SHCBP1: variants seen among roughly 807,000 people sequenced by gnomAD.
SHCBP1 encodes the protein SHC SH2 domain-binding protein 1.
SHCBP1 carries 60 observed loss-of-function variants against 75.1 expected under a neutral mutation model. The ratio of observed to expected loss-of-function variants is 0.80; its 90% CI spans 0.65 to 0.99. The LOEUF is 0.99. Ranked by LOEUF, SHCBP1 falls within the 50% of genes least tolerant of loss-of-function variation. SHCBP1 has a pLI of 0.00. For missense variants in SHCBP1, 709 were observed against 809.4 expected, an observed-to-expected ratio of 0.88 and a Z score of 1.50; for synonymous variants, 290 against 293.2, an observed-to-expected ratio of 0.99 and a Z score of 0.11.
chr16:46,612,570 G>A (rs1202066355), intron 4 of SHCBP1, among the ~76,000 whole-genome samples: 4 of 152,212 alleles, frequency 2.6e-5, no homozygotes, highest in Non-Finnish European at 4.4e-5. Context: ...AGTCCTGAAC[G>A]TGGTACTATA....
At chr16:46,584,555 CGTGTCA>C (rs1555517970) in intron 10 of SHCBP1, among the ~76,000 whole-genome samples, 3 of 152,070 alleles carry the variant, frequency 2.0e-5, no homozygotes, top group Non-Finnish European at 4.4e-5. Context: ...TTTTCCAAAA[CGTGTCA>C]GTTTTAAAAT....
chr16:46,597,516 A>G (rs1965162516), intron 9 of SHCBP1, among the ~76,000 whole-genome samples: 1 of 152,256 alleles, frequency 6.6e-6, no homozygotes, highest in Non-Finnish European at 1.5e-5. Context: ...ATGTTTTTTA[A>G]CAATATATAC....
At chr16:46,606,047 T>C (rs1965322647) in intron 5 of SHCBP1, among the ~76,000 whole-genome samples, 1 of 152,070 alleles carries the variant, frequency 6.6e-6, no homozygotes, top group African/African-American at 2.4e-5. Flanking sequence ...TTCTACTAAG[T>C]TGTGAAGATT....
In SHCBP1 at chr16:46,616,582, G is replaced by T. The variant is rs1567454981; in HGVS notation, c.388-428C>A. On this transcript the variant is annotated intron_variant, in intron 3 of 12. Transcript: ENST00000303383. This position sits in a 1 kb window ranked among gnomAD's most constrained non-coding sequence, Gnocchi z 4.4. ...CAAAGGGAGGAAATGGAGGAGGGGG[G>T]CGGTGTGCAGTGGAGCAGCAAGATA... 6.6e-6 allele frequency among the ~76,000 whole-genome samples: 1 copy of T among 152,164 alleles called. No homozygotes were observed. Among genetic ancestry groups the T allele is most frequent in the Non-Finnish European group, 1.5e-5 (1 of 68,028 alleles).
intron 8 of SHCBP1, among the ~76,000 whole-genome samples, chr16:46,601,021 G>C (rs1215587779): frequency 6.8e-6 from 1 of 147,882 alleles, no homozygotes; most frequent in Non-Finnish European, 1.5e-5. Flanking sequence ...AAAAGCATCA[G>C]ATCTCAGTGA....
At chr16:46,604,920 G>A (rs117032731) in intron 5 of SHCBP1, among the ~76,000 whole-genome samples, 36 of 152,224 alleles carry the variant, frequency 2.4e-4, no homozygotes, top group East Asian at 7.7e-4. Context: ...ATCTGAATAC[G>A]ACTTTAAAAA....
chr16:46,615,892 A>T, intron 4 of SHCBP1, 54 bp downstream of exon 4: 1 of 1,577,456 alleles, frequency 6.3e-7, no homozygotes, highest in Admixed American at 1.7e-5. Context: ...GAATTACTTC[A>T]TTTCATCCAA....
rs1477196441 is a variant in SHCBP1 at position 46,615,993 on chromosome 16, A to C, written c.549T>G (p.Asp183Glu). 1 of 1,614,156 alleles carries C rather than the reference A, an allele frequency of 6.2e-7. No homozygotes were observed. ...LPLQELWVVF[D>E]DSGVFDQTAL... ...CTGTCTGGTCAAACACTCCTGAATC[A>C]TCAAACACCACCCACAGCTCCTGCA... Residue 183 changes from aspartate to glutamate, a missense_variant, in exon 4 of 13, where the codon GAT becomes GAG. Coordinates refer to ENST00000303383, the MANE Select transcript of SHCBP1 (RefSeq NM_024745.5).
In SHCBP1 at chr16:46,581,648, A is replaced by G. The variant is rs766447578; in HGVS notation, c.*81T>C. ...ATCAAATATAAAATACAGACAATACAGCAAACTACAATGGCAGCAGTGATT... is the reference window on the plus strand; with the variant it reads ...ATCAAATATAAAATACAGACAATACGGCAAACTACAATGGCAGCAGTGATT... On this transcript the variant is annotated 3_prime_UTR_variant, in exon 13 of 13. Transcript: ENST00000303383. 2 of 1,263,026 alleles carry G rather than the reference A, an allele frequency of 1.6e-6. No homozygotes were observed. The highest frequency in any genetic ancestry group is 2.2e-6 in the Non-Finnish European group (2 of 895,310). 78.2% of individuals were successfully genotyped at this position (1,263,026 alleles called of 1,614,324 possible). A position where few individuals can be genotyped will look rare whatever the true frequency, so the allele number is the denominator to read the frequency against.
Position 46,604,530 on chromosome 16 carries a change from A to C in SHCBP1, c.690-69T>G. 3.7e-6 allele frequency: 4 copies of C among 1,086,514 alleles called. No individual in the cohort carries two copies. The Admixed American group carries it at 7.6e-5, about 21-fold the overall frequency. 67.3% of individuals were successfully genotyped at this position (1,086,514 alleles called of 1,614,324 possible). A position where few individuals can be genotyped will look rare whatever the true frequency, so the allele number is the denominator to read the frequency against. Reference sequence around the variant, plus strand: ...CATTTTCCTATCATTAAAACAGCCCACTTAGCCCTCAAAGACCCAGTAAGA... The same window carrying C: ...CATTTTCCTATCATTAAAACAGCCCCCTTAGCCCTCAAAGACCCAGTAAGA... On this transcript the variant is annotated intron_variant, in intron 5 of 12. Coordinates refer to ENST00000303383, the MANE Select transcript of SHCBP1 (RefSeq NM_024745.5).
chr16:46,617,577 T>C, intron 3 of SHCBP1, 57 bp downstream of exon 3: 1 of 1,333,530 alleles, frequency 7.5e-7, no homozygotes, highest in Middle Eastern at 1.9e-4. Flanking sequence ...GATATAACAG[T>C]CTGAAGTAAA....
At position 46,583,513 on chromosome 16, in the gene SHCBP1, T is replaced by C. The variant is rs1964903572; in HGVS notation, c.1693+3A>G. On this transcript the variant is annotated splice_donor_region_variant and intron_variant, in intron 12 of 12. Coordinates refer to ENST00000303383, the MANE Select transcript of SHCBP1 (RefSeq NM_024745.5). ...TTTTTATATTAAAAATTACTAAATATACCTTCAGTTCCATCTTCAGCATTT... is the reference window on the plus strand; with the variant it reads ...TTTTTATATTAAAAATTACTAAATACACCTTCAGTTCCATCTTCAGCATTT... 2 of 1,586,074 alleles carry C rather than the reference T, an allele frequency of 1.3e-6. No individual in the cohort carries two copies. The highest frequency in any genetic ancestry group is 1.7e-6 in the Non-Finnish European group (2 of 1,173,356).
chr16:46,584,401 A>G (rs1443472729), intron 10 of SHCBP1: 1 of 203,804 alleles, frequency 4.9e-6, no homozygotes, highest in Non-Finnish European at 9.8e-6. Flanking sequence ...TGATTCTGCC[A>G]AGAAAAAAAA....
At position 46,621,161 on chromosome 16, in the gene SHCBP1, G is replaced by T. The variant is rs546622655; in HGVS notation, c.103+96C>A. On this transcript the variant is annotated intron_variant, in intron 1 of 12. Coordinates refer to ENST00000303383, the MANE Select transcript of SHCBP1 (RefSeq NM_024745.5). ...CGTTCCCGCCACCCTGGACAGACGG[G>T]TCCGGAAGGCCCGCGACCCAGGCGC... 246 of 1,138,602 alleles carry T rather than the reference G, an allele frequency of 2.2e-4. No homozygotes were observed. In the African/African-American group the frequency reaches 3.7e-3, roughly 17 times the overall value. The allele number at this position is 1,138,602 out of a possible 1,614,324, so 70.5% of individuals were successfully genotyped here. A position where few individuals can be genotyped will look rare whatever the true frequency, so the allele number is the denominator to read the frequency against.
intron 4 of SHCBP1, among the ~76,000 whole-genome samples, chr16:46,615,207 A>G (rs1965475692): frequency 6.6e-6 from 1 of 152,252 alleles, no homozygotes; most frequent in African/African-American, 2.4e-5. Flanking sequence ...ATAAGATAAT[A>G]CACATAACAT....
intron 3 of SHCBP1, among the ~76,000 whole-genome samples, chr16:46,617,202 A>G (rs1965512905): frequency 6.6e-6 from 1 of 152,212 alleles, no homozygotes. Context: ...TAGTTTAAAA[A>G]TGCCTCTTAG....
chr16:46,597,015 A>G (rs568812570), intron 9 of SHCBP1, among the ~76,000 whole-genome samples: 17 of 152,280 alleles, frequency 1.1e-4, no homozygotes, highest in Middle Eastern at 3.4e-3. Flanking sequence ...GGCGTGAGCC[A>G]CCACGCCCAG....
chr16:46,610,008 C>T (rs987922702), intron 4 of SHCBP1, among the ~76,000 whole-genome samples: 4 of 150,916 alleles, frequency 2.7e-5, no homozygotes, highest in African/African-American at 4.9e-5. Context: ...TGGAGTGCAA[C>T]GGTGCGATCT....
At chr16:46,596,009 A>C (rs1265427933) in intron 9 of SHCBP1, among the ~76,000 whole-genome samples, 1 of 152,208 alleles carries the variant, frequency 6.6e-6, no homozygotes, top group African/African-American at 2.4e-5. Context: ...ATTCCAGGAA[A>C]CAAACATTAC....
Sources: gnomAD v4.1 joint callset for allele counts (sites outside exome capture counted in the v4.1 genomes callset) on GRCh38, gnomAD v4.1.1 for gene constraint, Gnocchi (gnomAD v3.1) non-coding constraint, MANE v1.5 for transcripts, NCBI Gene and HGNC (gene_info 2026-07-23, HGNC 2026-07-21) for gene names.